GFI1B: variants seen among roughly 807,000 people sequenced by gnomAD.
GFI1B encodes growth factor independent 1B transcriptional repressor.
A neutral mutation model predicts 35.3 loss-of-function variants in GFI1B; 20 were observed. The ratio of observed to expected loss-of-function variants is 0.57; its 90% confidence interval spans 0.40 to 0.82. The LOEUF (loss-of-function observed/expected upper bound fraction) is 0.82. Among genes scored for constraint, GFI1B ranks in the 40% least tolerant of loss-of-function variants. GFI1B has a pLI of 0.00. For synonymous variants in GFI1B, 178 were observed against 177.6 expected, an observed-to-expected ratio of 1.00 and a Z score of -0.02; for missense variants, 430 against 446.3, an observed-to-expected ratio of 0.96 and a Z score of 0.33.
At chr9:132,949,421 A>C (rs1163292129) in intron 1 of GFI1B, among the ~76,000 whole-genome samples, 2 of 152,052 alleles carry the variant, frequency 1.3e-5, no homozygotes, top group Admixed American at 6.6e-5. Context: ...AACCAGCCTG[A>C]TTCTCCTTCT....
intron 1 of GFI1B, among the ~76,000 whole-genome samples, chr9:132,961,409 G>C (rs550450804): frequency 1.5e-5 from 2 of 134,478 alleles, no homozygotes; most frequent in Admixed American, 1.5e-4. Flanking sequence ...ATTGTGAAAA[G>C]TCAATTATTT....
rs755145823 is a variant in GFI1B, at chr9:132,989,721, G to C, written c.649-21G>C. 6.2e-7 allele frequency: 1 copy of C among 1,610,902 alleles called. No homozygotes were observed. Among genetic ancestry groups the C allele is most frequent in the Non-Finnish European group, 8.5e-7 (1 of 1,177,684 alleles). On this transcript the variant is annotated intron_variant, in intron 5 of 6. Coordinates refer to ENST00000372122, the MANE Select transcript of GFI1B (RefSeq NM_001377304.1). The surrounding 1 kb of genome is among the most constrained non-coding windows in gnomAD (Gnocchi z 6.2). ...TCCTGAGCCTGCACCTGACCCCCCG[G>C]GGCCTCATTTCCTCCGGCAGGAGCG...
intron 1 of GFI1B, among the ~76,000 whole-genome samples, chr9:132,947,412 CAAAAA>C (rs35035214): frequency 1.8e-4 from 17 of 95,996 alleles, no homozygotes; most frequent in Admixed American, 1.6e-3. Flanking sequence ...TTTAATCGAG[CAAAAA>C]AAAAAAAAAA....
At chr9:132,965,376 C>G (rs954616466) in intron 1 of GFI1B, among the ~76,000 whole-genome samples, 1 of 152,200 alleles carries the variant, frequency 6.6e-6, no homozygotes, top group African/African-American at 2.4e-5. Context: ...CATACAGAAA[C>G]TAACCTGGAT....
chr9:132,972,576 T>A (rs1848548605), intron 1 of GFI1B: 1 of 152,192 alleles, frequency 6.6e-6, no homozygotes, highest in African/African-American at 2.4e-5. Context: ...GGCGACAGAG[T>A]GAGACTCTGT....
intron 1 of GFI1B, 82 bp from the exon 2 acceptor site, chr9:132,986,577 T>A: frequency 9.3e-6 from 7 of 754,180 alleles, no homozygotes; most frequent in South Asian, 4.4e-5. Context: ...AGCTGGTGTT[T>A]TATCTCAGGA....
In GFI1B at chr9:132,988,976, C is replaced by G. The variant is rs114551338; in HGVS notation, c.511-85C>G. The G allele has an allele frequency of 7.2e-4, 948 of 1,324,388 alleles. 5 individuals carry two copies. The African/African-American group carries it at 7.9e-3, about 11-fold the overall frequency. The allele number at this position is 1,324,388 out of a possible 1,614,324, so 82.0% of individuals were successfully genotyped here. A position where few individuals can be genotyped will look rare whatever the true frequency, so the allele number is the denominator to read the frequency against. ...TCTGTGTACCCAGCCTTGGCCAGAGCTGGGCATGGAAGAGACCATGGGACC... is the reference window on the plus strand; with the variant it reads ...TCTGTGTACCCAGCCTTGGCCAGAGGTGGGCATGGAAGAGACCATGGGACC... On this transcript the variant is annotated intron_variant, in intron 4 of 6. Transcript: ENST00000372122.
chr9:132,957,078 A>G (rs1018074733), intron 1 of GFI1B, among the ~76,000 whole-genome samples: 10 of 152,140 alleles, frequency 6.6e-5, no homozygotes, highest in African/African-American at 2.4e-4. Context: ...TTTCCATCCT[A>G]TTCTTTAGAA....
At chr9:132,946,654 T>A (rs1848110811) in intron 1 of GFI1B, 1 of 152,276 alleles carries the variant, frequency 6.6e-6, no homozygotes, top group Non-Finnish European at 1.5e-5. Context: ...TTCTGAAATC[T>A]TCAGAGATTT....
intron 1 of GFI1B, among the ~76,000 whole-genome samples, chr9:132,982,837 TG>T (rs940213590): frequency 6.6e-6 from 1 of 151,792 alleles, no homozygotes; most frequent in Non-Finnish European, 1.5e-5. Context: ...GAGAGAACAC[TG>T]GGGGGAGGCA....
At chr9:132,982,979 A>C (rs901669501) in intron 1 of GFI1B, among the ~76,000 whole-genome samples, 3 of 152,122 alleles carry the variant, frequency 2.0e-5, no homozygotes, top group African/African-American at 7.2e-5. Flanking sequence ...GCCAGGGCTC[A>C]TGAGCGCTAG....
intron 1 of GFI1B, among the ~76,000 whole-genome samples, chr9:132,968,265 C>T (rs1848481019): frequency 1.3e-5 from 2 of 151,912 alleles, no homozygotes; most frequent in East Asian, 1.9e-4. Context: ...ACATGCATGC[C>T]ACCACACCTG....
At chr9:132,959,479 G>A (rs1848333524) in intron 1 of GFI1B, among the ~76,000 whole-genome samples, 1 of 152,170 alleles carries the variant, frequency 6.6e-6, no homozygotes, top group Non-Finnish European at 1.5e-5. Context: ...AGGTTAATAC[G>A]GACAGTCCAG....
intron 4 of GFI1B, 148 bp from the exon 5 acceptor site, chr9:132,988,913 C>G: frequency 1.3e-6 from 1 of 756,790 alleles, no homozygotes; most frequent in East Asian, 2.7e-5. Context: ...GGACACACAG[C>G]AAGCAAGCAG....
Position 132,987,427 on chromosome 9 carries a change from G to A in GFI1B, c.238+8G>A, listed in dbSNP as rs750016293. ...GGATGGCCCCGGCACCAGGTACCCC[G>A]CTGTGACCCACTGTCATTCCCCAGG... On this transcript the variant is annotated splice_region_variant and intron_variant, in intron 3 of 6. Coordinates refer to ENST00000372122, the MANE Select transcript of GFI1B (RefSeq NM_001377304.1). The A allele has an allele frequency of 1.9e-5, 31 of 1,614,168 alleles. No individual in the cohort carries two copies. Among genetic ancestry groups the A allele is most frequent in the Admixed American group, 5.0e-5 (3 of 60,032 alleles).
At chr9:132,959,866 A>G (rs1309960705) in intron 1 of GFI1B, among the ~76,000 whole-genome samples, 1 of 152,126 alleles carries the variant, frequency 6.6e-6, no homozygotes, top group African/African-American at 2.4e-5. Flanking sequence ...TCCTCTTCTT[A>G]TGAGACCCCA....
At chr9:132,984,580 C>T (rs1262023433) in intron 1 of GFI1B, among the ~76,000 whole-genome samples, 2 of 152,230 alleles carry the variant, frequency 1.3e-5, no homozygotes. Context: ...AATGCACCTG[C>T]AGTGGGCTGG....
upstream of GFI1B, among the ~76,000 whole-genome samples, chr9:132,977,538 A>G (rs950240464): frequency 1.3e-5 from 2 of 152,208 alleles, no homozygotes; most frequent in African/African-American, 2.4e-5. Context: ...GAAACATAAT[A>G]TCTCCAGCAC....
intron 1 of GFI1B, among the ~76,000 whole-genome samples, chr9:132,979,728 A>G (rs543789255): frequency 6.6e-6 from 1 of 152,156 alleles, no homozygotes; most frequent in Non-Finnish European, 1.5e-5. Flanking sequence ...TTTGGAGAAA[A>G]AAAACCAAGT....
Sources: gnomAD v4.1 joint callset for allele counts (sites outside exome capture counted in the v4.1 genomes callset) on GRCh38, gnomAD v4.1.1 for gene constraint, Gnocchi (gnomAD v3.1) non-coding constraint, MANE v1.5 for transcripts, NCBI Gene and HGNC (gene_info 2026-07-23, HGNC 2026-07-21) for gene names.